Variants in HFM1 observed in about 807,000 individuals in gnomAD.
The protein encoded by HFM1 is helicase for meiosis 1.
Under a neutral mutation model 192.1 loss-of-function variants are expected in HFM1, and 169 were observed. That is an observed-to-expected ratio of 0.88 (90% CI 0.78 to 1.00). The LOEUF is 1.00. HFM1 is among the 50% of genes least tolerant of loss of function. The pLI is 0.00. For missense variants in HFM1, 1,661 were observed against 1,668.0 expected (o/e 1.00, Z 0.07); for synonymous variants, 525 against 537.8 (o/e 0.98, Z 0.33).
At chr1:91,291,901 C>T (rs934616216) in intron 30 of HFM1, among the ~76,000 whole-genome samples, 20 of 152,172 alleles carry the variant, frequency 1.3e-4, no homozygotes, top group Middle Eastern at 6.8e-3. Flanking sequence ...GTTCAATATA[C>T]GCAAATCAAT....
chr1:91,374,788 C>T (rs547226537), intron 13 of HFM1, among the ~76,000 whole-genome samples: 3 of 152,062 alleles, frequency 2.0e-5, no homozygotes, highest in Admixed American at 6.6e-5. Flanking sequence ...AAGTCTGGGC[C>T]GAAGGCATAA....
chr1:91,329,055 T>G (rs1653386502), intron 20 of HFM1: 1 of 1,610,828 alleles, frequency 6.2e-7, no homozygotes, highest in East Asian at 2.2e-5. Context: ...TGTGGATCTG[T>G]GCATCCTGCT....
chr1:91,406,318 A>C (rs1297314292), upstream of HFM1, among the ~76,000 whole-genome samples: 1 of 152,258 alleles, frequency 6.6e-6, no homozygotes, highest in Non-Finnish European at 1.5e-5. Context: ...TTTGAGTGAT[A>C]GAATTGTAGA....
At chr1:91,402,559 G>A (rs1664422428) in intron 1 of HFM1, among the ~76,000 whole-genome samples, 1 of 152,128 alleles carries the variant, frequency 6.6e-6, no homozygotes, top group South Asian at 2.1e-4. Context: ...GCAGGAGGTA[G>A]AGGGAGTCAT....
At chr1:91,358,525 G>A (rs1275761334) in intron 13 of HFM1, among the ~76,000 whole-genome samples, 5 of 151,818 alleles carry the variant, frequency 3.3e-5, no homozygotes, top group Non-Finnish European at 5.9e-5. Flanking sequence ...TTTTCCATTA[G>A]GGCACCAAAA....
chr1:91,294,217 A>G (rs930468558), intron 30 of HFM1, among the ~76,000 whole-genome samples: 12 of 152,054 alleles, frequency 7.9e-5, no homozygotes, highest in Non-Finnish European at 1.6e-4. Context: ...AATAAAATAA[A>G]AAATAATCAA....
chr1:91,381,738 G>A (rs1005426080), intron 6 of HFM1, among the ~76,000 whole-genome samples: 2 of 152,018 alleles, frequency 1.3e-5, no homozygotes, highest in Non-Finnish European at 2.9e-5. Flanking sequence ...TATAAATAAA[G>A]AAGAAAATGA....
At chr1:91,340,839 G>A (rs1057464540) in intron 20 of HFM1, among the ~76,000 whole-genome samples, 1 of 151,846 alleles carries the variant, frequency 6.6e-6, no homozygotes, top group African/African-American at 2.4e-5. Flanking sequence ...CTATCAAAAA[G>A]GACAAAGAAG....
At chr1:91,388,911 T>C (rs907421621) in intron 4 of HFM1, among the ~76,000 whole-genome samples, 1 of 152,160 alleles carries the variant, frequency 6.6e-6, no homozygotes, top group Non-Finnish European at 1.5e-5. Flanking sequence ...GAGACTGTTA[T>C]TGGGAATAAA....
chr1:91,377,304 C>T (rs534305550), intron 11 of HFM1: 3 of 151,676 alleles, frequency 2.0e-5, no homozygotes, highest in African/African-American at 4.8e-5. Context: ...GCCAAATTAA[C>T]GATAAAGACA....
intron 4 of HFM1, among the ~76,000 whole-genome samples, chr1:91,391,920 T>A (rs1167409162): frequency 1.3e-5 from 2 of 152,188 alleles, no homozygotes; most frequent in African/African-American, 4.8e-5. Flanking sequence ...AACAACCCCA[T>A]TAAAAAGTTG....
intron 4 of HFM1, among the ~76,000 whole-genome samples, chr1:91,390,083 G>A (rs1214448851): frequency 6.6e-6 from 1 of 152,146 alleles, no homozygotes; most frequent in Non-Finnish European, 1.5e-5. Context: ...TCCATCAACT[G>A]ATAAGTAAAT....
At position 91,331,163 on chromosome 1, in the gene HFM1, G is replaced by A. The variant is rs76628754; in HGVS notation, c.2336-6397C>T. On this transcript the variant is annotated intron_variant, in intron 20 of 38. Transcript: ENST00000370425. ...TAGGAGAAATTAATAAAGGACATTC[G>A]CTTGGAAAGGAAGAAGTCAAATTAT... Among the ~76,000 whole-genome samples, 824 of 152,226 alleles carry A rather than the reference G, an allele frequency of 5.4e-3. 4 individuals are homozygous for A. The highest frequency in any genetic ancestry group is 9.4e-3 in the Non-Finnish European group (640 of 67,998).
intron 20 of HFM1, among the ~76,000 whole-genome samples, chr1:91,338,303 G>C (rs1654863933): frequency 6.6e-6 from 1 of 152,158 alleles, no homozygotes; most frequent in African/African-American, 2.4e-5. Flanking sequence ...CCCAAGGCCT[G>C]CCATGCTCCT....
At chr1:91,299,896 C>T (rs1648401093) in intron 30 of HFM1, among the ~76,000 whole-genome samples, 1 of 152,056 alleles carries the variant, frequency 6.6e-6, no homozygotes, top group Admixed American at 6.6e-5. Flanking sequence ...AGAGCAAACA[C>T]ATTCAAAAGC....
chr1:91,359,387 A>G (rs1658194822), intron 13 of HFM1, among the ~76,000 whole-genome samples: 1 of 152,200 alleles, frequency 6.6e-6, no homozygotes, highest in Non-Finnish European at 1.5e-5. Flanking sequence ...GATAGCCAGA[A>G]CAGCCAGTTT....
At chr1:91,321,402 C>T (rs1344799477) in intron 23 of HFM1, among the ~76,000 whole-genome samples, 1 of 152,030 alleles carries the variant, frequency 6.6e-6, no homozygotes, top group African/African-American at 2.4e-5. Context: ...GGAGATCATG[C>T]CCTTGCACTT....
Position 91,274,792 on chromosome 1 carries a change from A to G in HFM1, c.3606T>C (p.Ser1202=). Residue 1202 remains serine (S), a synonymous_variant, in exon 33 of 39, where the codon TCT becomes TCC. Transcript: ENST00000370425. ...VKRLKIQMNK[S]QSVDLKEFGF... ...CAAACTCTTTAAGGTCCACACTTTG[A>G]GATTTATTCATCTGTATCTATTAAT... The G allele has an allele frequency of 6.4e-7, 1 of 1,565,022 alleles. No homozygotes were observed. The highest frequency in any genetic ancestry group is 8.8e-7 in the Non-Finnish European group (1 of 1,138,012).
chr1:91,385,504 C>T (rs1027429534), intron 5 of HFM1, 71 bp downstream of exon 5: 8 of 1,269,276 alleles, frequency 6.3e-6, no homozygotes, highest in Non-Finnish European at 8.8e-6. Context: ...TATATTTTTA[C>T]ATTTTCCCCC....
Sources: gnomAD v4.1 joint callset for allele counts (sites outside exome capture counted in the v4.1 genomes callset) on GRCh38, gnomAD v4.1.1 for gene constraint, MANE v1.5 for transcripts, NCBI Gene and HGNC (gene_info 2026-07-23, HGNC 2026-07-21) for gene names.